Variants in TGFB2 observed in about 807,000 individuals in gnomAD.
TGFB2 encodes the protein transforming growth factor beta-2 proprotein.
Under a neutral mutation model 42.7 loss-of-function variants are expected in TGFB2, and 13 were observed. The observed-to-expected ratio is 0.30, with a 90% CI of 0.20 to 0.48. TGFB2 has a LOEUF of 0.48. TGFB2 is among the 20% of genes least tolerant of loss of function. The pLI is 0.99. For missense variants in TGFB2, 390 were observed against 517.5 expected, an observed-to-expected ratio of 0.75 and a Z score of 2.39; for synonymous variants, 193 against 193.6, an observed-to-expected ratio of 1.00 and a Z score of 0.03.
intron 5 of TGFB2, 101 bp from the exon 6 acceptor site, chr1:218,437,242 A>G (rs1659998641): frequency 5.0e-6 from 6 of 1,198,408 alleles, no homozygotes; most frequent in Non-Finnish European, 7.0e-6. Context: ...TGTTGAATAA[A>G]TGAATGAATC....
intron 1 of TGFB2, among the ~76,000 whole-genome samples, chr1:218,396,412 C>T (rs1388048419): frequency 6.6e-6 from 1 of 152,132 alleles, no homozygotes; most frequent in Non-Finnish European, 1.5e-5. Context: ...GCTCACCCTG[C>T]CACCATATTC....
intron 2 of TGFB2, among the ~76,000 whole-genome samples, chr1:218,431,592 G>A (rs1034848448): frequency 6.6e-6 from 1 of 152,222 alleles, no homozygotes; most frequent in East Asian, 1.9e-4. Flanking sequence ...GTTCTAGGTA[G>A]TATGTCTAAA....
At chr1:218,384,705 C>T (rs1332824766) in intron 1 of TGFB2, among the ~76,000 whole-genome samples, 2 of 152,232 alleles carry the variant, frequency 1.3e-5, no homozygotes, top group Non-Finnish European at 2.9e-5. Flanking sequence ...TGCTTCATCT[C>T]ATTTTTCCTT....
At position 218,346,977 on chromosome 1, in the gene TGFB2, G is replaced by A. The variant is rs1490294448; in HGVS notation, c.276G>A (p.Glu92=). The A allele has an allele frequency of 2.5e-6, 4 of 1,613,598 alleles. No homozygotes were observed. The highest frequency in any genetic ancestry group is 3.4e-6 in the Non-Finnish European group (4 of 1,179,734). ...ASRRAAACER[E]RSDEEYYAKE... The stretch of plus-strand genomic sequence containing the variant: ...GGAGGGCGGCCGCCTGCGAGCGCGA[G>A]AGGAGCGACGAAGAGTACTACGCCA... The change falls in exon 1 of 7, where the codon GAG becomes GAA. Residue 92 remains glutamate, a synonymous_variant. Coordinates refer to ENST00000366930, the MANE Select transcript of TGFB2 (RefSeq NM_003238.6). The surrounding 1 kb of genome is among the most constrained non-coding windows in gnomAD (Gnocchi z 4.9).
rs527748330 is a variant in TGFB2 at position 218,398,557 on chromosome 1, A to ATTATT, written c.347-6590_347-6586dup. On this transcript the variant is annotated intron_variant, in intron 1 of 6. Coordinates refer to ENST00000366930, the MANE Select transcript of TGFB2 (RefSeq NM_003238.6). ...TATTAACCTTTAACTTTATTTTGAA[A>ATTATT]TTATTTTATTTTATTTTATTTTATT... Among the ~76,000 whole-genome samples the ATTATT allele has an allele frequency of 3.2e-3, 487 of 151,440 alleles. 4 individuals are homozygous for ATTATT. Among genetic ancestry groups the ATTATT allele is most frequent in the African/African-American group, 0.011 (447 of 41,410 alleles).
At chr1:218,400,771 C>T (rs1221907760) in intron 1 of TGFB2, among the ~76,000 whole-genome samples, 1 of 152,202 alleles carries the variant, frequency 6.6e-6, no homozygotes, top group Non-Finnish European at 1.5e-5. Context: ...TGCCACCAGG[C>T]TTTTTCCTGA....
chr1:218,350,307 C>G (rs922688517), intron 1 of TGFB2, among the ~76,000 whole-genome samples: 7 of 152,154 alleles, frequency 4.6e-5, no homozygotes, highest in African/African-American at 1.4e-4. Context: ...CCCCAACACC[C>G]GCACCCCTAC....
intron 1 of TGFB2, among the ~76,000 whole-genome samples, chr1:218,376,970 T>G (rs1173877913): frequency 6.6e-6 from 1 of 152,158 alleles, no homozygotes; most frequent in African/African-American, 2.4e-5. Context: ...GATAGCTCAC[T>G]GCAGCCTTGA....
chr1:218,362,405 C>T (rs990079264), intron 1 of TGFB2, among the ~76,000 whole-genome samples: 5 of 152,172 alleles, frequency 3.3e-5, no homozygotes, highest in African/African-American at 1.2e-4. Flanking sequence ...ATTCCTTGAC[C>T]ACCTTTTGTC....
chr1:218,412,683 A>T (rs539388544), intron 2 of TGFB2, among the ~76,000 whole-genome samples: 1 of 152,280 alleles, frequency 6.6e-6, no homozygotes, highest in Admixed American at 6.5e-5. Context: ...TATGACGGCC[A>T]GGTGGGGAGT....
At chr1:218,402,545 A>G (rs10746379) in intron 1 of TGFB2, among the ~76,000 whole-genome samples, 29,636 of 145,836 alleles carry the variant, frequency 0.2, 3,413 homozygotes, top group East Asian at 0.5. Flanking sequence ...AAAAGGGGGG[A>G]AAAAAATGGT....
At chr1:218,353,426 C>T (rs889676202) in intron 1 of TGFB2, among the ~76,000 whole-genome samples, 2 of 152,190 alleles carry the variant, frequency 1.3e-5, no homozygotes, top group Non-Finnish European at 2.9e-5. Context: ...TCAGGCCTTT[C>T]AGGGTCTGGT....
intron 1 of TGFB2, among the ~76,000 whole-genome samples, chr1:218,347,914 CAGAGT>C (rs966304992): frequency 1.3e-5 from 2 of 150,910 alleles, no homozygotes; most frequent in African/African-American, 4.9e-5. Context: ...TCCTAAAACT[CAGAGT>C]AGACGACAGC....
At chr1:218,407,826 C>G (rs1034609618) in intron 2 of TGFB2, among the ~76,000 whole-genome samples, 4 of 152,042 alleles carry the variant, frequency 2.6e-5, no homozygotes, top group Non-Finnish European at 5.9e-5. Context: ...TTCCCTTTCT[C>G]TTACCCTTGG....
intron 1 of TGFB2, among the ~76,000 whole-genome samples, chr1:218,398,881 G>T (rs1380257284): frequency 6.6e-6 from 1 of 151,998 alleles, no homozygotes; most frequent in Non-Finnish European, 1.5e-5. Context: ...CACTGTGCCT[G>T]GATTATTTTA....
At chr1:218,348,306 G>A (rs1001246990) in intron 1 of TGFB2, among the ~76,000 whole-genome samples, 2 of 152,136 alleles carry the variant, frequency 1.3e-5, no homozygotes, top group East Asian at 3.9e-4. Flanking sequence ...TCTGTGTCTT[G>A]CCTAAATAGA....
intron 2 of TGFB2, among the ~76,000 whole-genome samples, chr1:218,425,448 C>A (rs1192729904): frequency 6.6e-6 from 1 of 152,052 alleles, no homozygotes; most frequent in Non-Finnish European, 1.5e-5. Flanking sequence ...ACCTCATAAT[C>A]TGCCCACCTC....
At chr1:218,434,559 G>T (rs1181011033) in intron 4 of TGFB2, 111 bp downstream of exon 4, 2 of 688,192 alleles carry the variant, frequency 2.9e-6, no homozygotes, top group Non-Finnish European at 4.9e-6. Context: ...GGCCTGGGGA[G>T]TTTCATTCAT....
At position 218,441,849 on chromosome 1, in the gene TGFB2, A is replaced by G. The variant is rs1660164535; in HGVS notation, c.*487A>G. 6.5e-6 allele frequency: 1 copy of G among 152,760 alleles called. No homozygotes were observed. The highest frequency in any genetic ancestry group is 2.1e-4 in the South Asian group (1 of 4,864). 9.5% of individuals were successfully genotyped at this position (152,760 alleles called of 1,614,324 possible). On this transcript the variant is annotated 3_prime_UTR_variant, in exon 7 of 7. Transcript: ENST00000366930. ...AGTGAGTTATTTATTGTGTGTTACT[A>G]TATAATGAACGTTTCATTGCCCTTG...
Sources: allele counts gnomAD v4.1 joint callset (sites outside exome capture counted in the v4.1 genomes callset), GRCh38; gene constraint gnomAD v4.1.1; non-coding constraint Gnocchi (gnomAD v3.1); transcripts MANE v1.5; gene names NCBI Gene and HGNC (gene_info 2026-07-23, HGNC 2026-07-21).